The following ANO4 variants were observed in gnomAD, a reference collection of about 807,000 sequenced individuals.
The protein encoded by ANO4 is anoctamin-4.
ANO4 carries 69 observed loss-of-function variants against 141.9 expected under a neutral mutation model. That is an observed-to-expected ratio of 0.49 (90% CI 0.40 to 0.59). The LOEUF (loss-of-function observed/expected upper bound fraction) is 0.59. ANO4 is among the 20% of genes least tolerant of loss of function. The pLI is 0.00. For synonymous variants in ANO4, 350 were observed against 394.3 expected (o/e 0.89, Z 1.33); for missense variants, 894 against 1,162.2 (o/e 0.77, Z 3.36).
At chr12:100,730,491 G>C (rs2031336631) in intron 1 of ANO4, among the ~76,000 whole-genome samples, 1 of 152,166 alleles carries the variant, frequency 6.6e-6, no homozygotes, top group Non-Finnish European at 1.5e-5. Context: ...CAACCTCTCT[G>C]AAATTAATAG....
chr12:100,717,293 G>A (rs1163284761), upstream of ANO4, among the ~76,000 whole-genome samples: 1 of 151,788 alleles, frequency 6.6e-6, no homozygotes, highest in Non-Finnish European at 1.5e-5. Context: ...GCGGCTGCCG[G>A]TCTACGCCCT....
At chr12:101,095,096 G>C (rs1164761109) in intron 18 of ANO4, among the ~76,000 whole-genome samples, 1 of 152,102 alleles carries the variant, frequency 6.6e-6, no homozygotes, top group South Asian at 2.1e-4. Context: ...TCCACAACTT[G>C]CTTTAATGCA....
chr12:100,898,791 T>G (rs1450251325), intron 1 of ANO4, among the ~76,000 whole-genome samples: 1 of 152,150 alleles, frequency 6.6e-6, no homozygotes, highest in Non-Finnish European at 1.5e-5. Flanking sequence ...AAGAAGAAAT[T>G]TTTTCAGGAG....
chr12:100,888,463 C>G (rs2039946099), intron 1 of ANO4, among the ~76,000 whole-genome samples: 1 of 152,232 alleles, frequency 6.6e-6, no homozygotes, highest in Non-Finnish European at 1.5e-5. Context: ...AGAGCAGGAG[C>G]CCTGGGAAAG....
chr12:101,051,968 G>A (rs1240431982), intron 14 of ANO4, among the ~76,000 whole-genome samples: 1 of 152,070 alleles, frequency 6.6e-6, no homozygotes, highest in Non-Finnish European at 1.5e-5. Context: ...TCTTATGATC[G>A]ACAAGTTACA....
Position 100,971,303 on chromosome 12 carries a change from C to G in ANO4, c.457-3C>G. ...TCAATTTAGTTTCTTTTTTCTGTTT[C>G]AGTCCTCTCTAATAAATAGTGACAT... On this transcript the variant is annotated splice_polypyrimidine_tract_variant and splice_region_variant and intron_variant, in intron 5 of 27. Transcript: ENST00000392977. The G allele has an allele frequency of 6.3e-7, 1 of 1,596,272 alleles. No homozygotes were observed. The highest frequency in any genetic ancestry group is 8.6e-7 in the Non-Finnish European group (1 of 1,166,790).
intron 17 of ANO4, among the ~76,000 whole-genome samples, chr12:101,093,077 T>C (rs904351070): frequency 6.6e-5 from 10 of 152,150 alleles, no homozygotes; most frequent in Admixed American, 5.9e-4. Flanking sequence ...TGTCACAAGG[T>C]TTCTTATGGA....
intron 14 of ANO4, among the ~76,000 whole-genome samples, chr12:101,075,395 A>G (rs978118800): frequency 5.9e-5 from 9 of 152,076 alleles, no homozygotes; most frequent in Non-Finnish European, 1.0e-4. Flanking sequence ...CTGGATTTAG[A>G]GAAATCATTA....
At chr12:100,854,942 GGCTTCGTGTAGGGAGACTGAAT>G (rs1205210061) in intron 1 of ANO4, among the ~76,000 whole-genome samples, 1 of 152,066 alleles carries the variant, frequency 6.6e-6, no homozygotes, top group Non-Finnish European at 1.5e-5. Context: ...TGAGGTCTGT[GGCTTCGTGTAGGGAGACTGAAT>G]GCTAGCTTTC....
At chr12:100,965,683 G>C (rs1429696051) in intron 5 of ANO4, among the ~76,000 whole-genome samples, 1 of 151,546 alleles carries the variant, frequency 6.6e-6, no homozygotes, top group Non-Finnish European at 1.5e-5. Context: ...TGTTCTTGCT[G>C]TTTCTTCTGC....
chr12:100,908,583 T>G (rs180775143), intron 2 of ANO4, among the ~76,000 whole-genome samples: 21 of 152,330 alleles, frequency 1.4e-4, no homozygotes, highest in Non-Finnish European at 2.5e-4. Context: ...AGAATATGAT[T>G]TCAGTTCCAT....
At chr12:100,890,201 G>A (rs530351331) in intron 1 of ANO4, among the ~76,000 whole-genome samples, 1 of 152,128 alleles carries the variant, frequency 6.6e-6, no homozygotes, top group Non-Finnish European at 1.5e-5. Flanking sequence ...TTTTGTAAAA[G>A]AGGAAATTGA....
intron 1 of ANO4, among the ~76,000 whole-genome samples, chr12:100,883,189 G>A (rs530223001): frequency 7.9e-5 from 12 of 152,296 alleles, no homozygotes; most frequent in South Asian, 2.1e-4. Context: ...AATACAGTCC[G>A]TAAAACATTT....
chr12:100,834,287 G>C (rs2036787172), intron 1 of ANO4, among the ~76,000 whole-genome samples: 1 of 152,120 alleles, frequency 6.6e-6, no homozygotes, highest in African/African-American at 2.4e-5. Context: ...CCTTTCGACT[G>C]CCCTAGTACG....
intron 9 of ANO4, among the ~76,000 whole-genome samples, chr12:101,030,223 G>A (rs765821715): frequency 3.9e-5 from 6 of 152,000 alleles, no homozygotes; most frequent in Non-Finnish European, 7.4e-5. Flanking sequence ...CCACATAATT[G>A]GAAGTAAAAC....
chr12:101,115,364 G>GATC (rs1339243969), intron 24 of ANO4, among the ~76,000 whole-genome samples: 1 of 152,004 alleles, frequency 6.6e-6, no homozygotes, highest in African/African-American at 2.4e-5. Flanking sequence ...GAGGTGGGAG[G>GATC]ATCGTTTGAG....
chr12:101,045,880 G>A lies in ANO4; in HGVS notation c.1251+2245G>A, dbSNP rs560039935. Among the ~76,000 whole-genome samples, 3 of 152,326 alleles carry A rather than the reference G, an allele frequency of 2.0e-5. No homozygotes were observed. The East Asian group carries it at 5.8e-4, about 29-fold the overall frequency. On this transcript the variant is annotated intron_variant, in intron 13 of 27. Coordinates refer to ENST00000392977, the MANE Select transcript of ANO4 (RefSeq NM_001286615.2). ...CGTTTTCCTTCCCTTGTCTCCTTAA[G>A]TGGATTTTTGTGCTTATTTTAAACT...
chr12:101,111,471 A>G (rs1348402944), intron 23 of ANO4, 92 bp from the exon 24 acceptor site: 15 of 1,247,802 alleles, frequency 1.2e-5, no homozygotes, highest in Non-Finnish European at 1.6e-5. Flanking sequence ...GAAAGGACCC[A>G]TGAAAAGGAC....
intron 8 of ANO4, among the ~76,000 whole-genome samples, chr12:101,007,494 G>T (rs934662966): frequency 1.6e-4 from 24 of 152,174 alleles, no homozygotes; most frequent in African/African-American, 5.1e-4. Flanking sequence ...GGGTGTTATG[G>T]TTGTCCCCAT....
Sources: allele counts gnomAD v4.1 joint callset (sites outside exome capture counted in the v4.1 genomes callset), GRCh38; gene constraint gnomAD v4.1.1; transcripts MANE v1.5; gene names NCBI Gene and HGNC (gene_info 2026-07-23, HGNC 2026-07-21).